MLLT10: variants seen among roughly 807,000 people sequenced by gnomAD.
The protein encoded by MLLT10 is MLLT10 histone lysine methyltransferase DOT1L cofactor.
MLLT10 carries 30 observed loss-of-function variants against 129.1 expected under a neutral mutation model. The observed-to-expected ratio is 0.23, with a 90% CI of 0.17 to 0.32. The LOEUF is 0.32. Among genes scored for constraint, MLLT10 ranks in the 10% least tolerant of loss-of-function variants. MLLT10 has a pLI of 1.00. For synonymous variants in MLLT10, 490 were observed against 446.4 expected (o/e 1.10, Z -1.23); for missense variants, 1,119 against 1,268.3 (o/e 0.88, Z 1.79).
At chr10:21,582,573 A>G (rs1363983122) in intron 3 of MLLT10, among the ~76,000 whole-genome samples, 2 of 152,196 alleles carry the variant, frequency 1.3e-5, no homozygotes, top group Admixed American at 6.5e-5. Context: ...TGTTTCTCCC[A>G]TGGATAACTG....
intron 8 of MLLT10, among the ~76,000 whole-genome samples, chr10:21,637,032 T>C (rs1397684463): frequency 1.3e-5 from 2 of 152,346 alleles, no homozygotes; most frequent in South Asian, 2.1e-4. Flanking sequence ...AAGAACTCTG[T>C]AGCAAGCTAA....
intron 14 of MLLT10, among the ~76,000 whole-genome samples, chr10:21,721,634 T>A (rs1308746190): frequency 6.6e-6 from 1 of 152,186 alleles, no homozygotes; most frequent in Non-Finnish European, 1.5e-5. Flanking sequence ...ATCTTAATAT[T>A]TTAATATGGT....
chr10:21,710,424 A>G (rs2055964884), intron 13 of MLLT10, among the ~76,000 whole-genome samples: 1 of 152,230 alleles, frequency 6.6e-6, no homozygotes, highest in South Asian at 2.1e-4. Context: ...CAGTTTTTCA[A>G]GAGATATTAG....
At chr10:21,586,764 G>A (rs1489586712) in intron 4 of MLLT10, among the ~76,000 whole-genome samples, 1 of 152,194 alleles carries the variant, frequency 6.6e-6, no homozygotes, top group South Asian at 2.1e-4. Flanking sequence ...GTGCCTGCCT[G>A]TAGTCCCAGC....
At chr10:21,618,498 C>A (rs569952942) in intron 8 of MLLT10, among the ~76,000 whole-genome samples, 2 of 152,040 alleles carry the variant, frequency 1.3e-5, no homozygotes, top group African/African-American at 4.8e-5. Context: ...GAGCGATACT[C>A]TTGTCTCAAA....
chr10:21,592,549 G>A (rs1450137797), intron 4 of MLLT10, among the ~76,000 whole-genome samples: 5 of 151,058 alleles, frequency 3.3e-5, no homozygotes, highest in Admixed American at 1.3e-4. Flanking sequence ...TCCACCCCCC[G>A]GGGTTCACGC....
intron 2 of MLLT10, among the ~76,000 whole-genome samples, chr10:21,535,651 C>G (rs1333812211): frequency 2.0e-5 from 3 of 152,206 alleles, no homozygotes; most frequent in Non-Finnish European, 4.4e-5. Context: ...CCGACTTTTC[C>G]CCATTTCACG....
At chr10:21,536,935 C>A (rs1416819868) in intron 2 of MLLT10, among the ~76,000 whole-genome samples, 1 of 151,904 alleles carries the variant, frequency 6.6e-6, no homozygotes, top group East Asian at 1.9e-4. Flanking sequence ...AGGCATGGAC[C>A]ACCATGCCCT....
chr10:21,583,771 A>G (rs1448686051), intron 3 of MLLT10, among the ~76,000 whole-genome samples: 1 of 152,130 alleles, frequency 6.6e-6, no homozygotes, highest in African/African-American at 2.4e-5. Flanking sequence ...ATCTGCCCCC[A>G]TTACCCAAAC....
At chr10:21,551,930 G>GATT (rs2037115116) in intron 3 of MLLT10, 1 of 293,424 alleles carries the variant, frequency 3.4e-6, no homozygotes, top group Non-Finnish European at 6.7e-6. Flanking sequence ...AAGTAGGTGG[G>GATT]ATTACAGGCA....
At chr10:21,634,564 A>G (rs763202911) in intron 8 of MLLT10, among the ~76,000 whole-genome samples, 45 of 152,208 alleles carry the variant, frequency 3.0e-4, no homozygotes, top group Non-Finnish European at 5.4e-4. Context: ...GTTCCCCAAT[A>G]GTCTTTCATG....
chr10:21,622,856 A>G (rs537599454), intron 8 of MLLT10, among the ~76,000 whole-genome samples: 1 of 152,360 alleles, frequency 6.6e-6, no homozygotes, highest in East Asian at 1.9e-4. Context: ...TTCAGAGGCC[A>G]GTTGCAAGTC....
chr10:21,707,246 G>T (rs1181795317), intron 13 of MLLT10, among the ~76,000 whole-genome samples: 1 of 144,812 alleles, frequency 6.9e-6, no homozygotes, highest in African/African-American at 2.6e-5. Flanking sequence ...AGGCTGGAGT[G>T]CAGTGGCGCG....
rs1589298338 is a variant in MLLT10, at chr10:21,625,805, A to G, written c.699+8598A>G. On this transcript the variant is annotated intron_variant, in intron 8 of 22. Transcript: ENST00000307729. ...TTCCTGTGCAGCTTCCTTTCCACAGAAAGTGGTAAATGCCTACCCTCTATT... is the reference window on the plus strand; with the variant it reads ...TTCCTGTGCAGCTTCCTTTCCACAGGAAGTGGTAAATGCCTACCCTCTATT... 6 of 769,076 alleles carry G rather than the reference A, an allele frequency of 7.8e-6. No homozygotes were observed. The East Asian group carries it at 1.5e-4, about 19-fold the overall frequency. The allele number at this position is 769,076 out of a possible 1,614,324, so 47.6% of individuals were successfully genotyped here.
At chr10:21,654,909 A>G (rs1453540885) in intron 9 of MLLT10, among the ~76,000 whole-genome samples, 1 of 152,160 alleles carries the variant, frequency 6.6e-6, no homozygotes, top group African/African-American at 2.4e-5. Context: ...ATGGTGGCTC[A>G]TGCCTGTAGT....
At chr10:21,576,717 G>A (rs1210844490) in intron 3 of MLLT10, among the ~76,000 whole-genome samples, 27 of 149,724 alleles carry the variant, frequency 1.8e-4, no homozygotes, top group Non-Finnish European at 3.8e-4. Context: ...TGCAACCTCC[G>A]CTTCCCGGGT....
intron 11 of MLLT10, among the ~76,000 whole-genome samples, chr10:21,679,992 C>G (rs2052572014): frequency 6.6e-6 from 1 of 152,090 alleles, no homozygotes; most frequent in African/African-American, 2.4e-5. Flanking sequence ...ATTAGCAAAC[C>G]CAGGTCCTTT....
chr10:21,684,352 C>T (rs562055721), intron 13 of MLLT10, among the ~76,000 whole-genome samples: 2 of 152,226 alleles, frequency 1.3e-5, no homozygotes, highest in East Asian at 3.9e-4. Flanking sequence ...CAAATCGATG[C>T]CTCCAATTTA....
chr10:21,534,011 C>T (rs1305363365), upstream of MLLT10, among the ~76,000 whole-genome samples: 2 of 151,942 alleles, frequency 1.3e-5, no homozygotes, highest in Non-Finnish European at 2.9e-5. Flanking sequence ...CCCTAACGTC[C>T]CCGCCCCCGC....
Sources: gnomAD v4.1 joint callset for allele counts (sites outside exome capture counted in the v4.1 genomes callset) on GRCh38, gnomAD v4.1.1 for gene constraint, MANE v1.5 for transcripts, NCBI Gene and HGNC (gene_info 2026-07-23, HGNC 2026-07-21) for gene names.